Variants in ZNRF2 observed in about 807,000 individuals in gnomAD.
ZNRF2 encodes the protein zinc and ring finger 2.
A neutral mutation model predicts 20.4 loss-of-function variants in ZNRF2; 16 were observed. The ratio of observed to expected loss-of-function variants is 0.79; its 90% confidence interval spans 0.53 to 1.19. ZNRF2 has a LOEUF of 1.19. Among genes scored for constraint, ZNRF2 ranks in the 50% most tolerant of loss-of-function variants. The pLI, the probability that ZNRF2 is intolerant of heterozygous loss-of-function variation, is 0.00. For missense variants in ZNRF2, 363 were observed against 332.4 expected, an observed-to-expected ratio of 1.09 and a Z score of -0.72; for synonymous variants, 178 against 144.9, an observed-to-expected ratio of 1.23 and a Z score of -1.64.
intron 4 of ZNRF2, among the ~76,000 whole-genome samples, chr7:30,364,572 A>G (rs1800180440): frequency 6.6e-6 from 1 of 152,176 alleles, no homozygotes; most frequent in Admixed American, 6.5e-5. Flanking sequence ...ATATGTGCAC[A>G]TATGTTTTTA....
chr7:30,356,266 A>G (rs1363192689), intron 3 of ZNRF2, among the ~76,000 whole-genome samples: 1 of 147,296 alleles, frequency 6.8e-6, no homozygotes, highest in Non-Finnish European at 1.5e-5. Flanking sequence ...TTAGAGTGAT[A>G]CAGGAAAAAT....
rs1239768249 is a variant in ZNRF2, at chr7:30,285,367, A to C, written c.10A>C (p.Lys4Gln). 3 of 1,209,722 alleles carry C rather than the reference A, an allele frequency of 2.5e-6. No homozygotes were observed. Among genetic ancestry groups the C allele is most frequent in the Non-Finnish European group, 3.1e-6 (3 of 959,492 alleles). The allele number at this position is 1,209,722 out of a possible 1,614,324, so 74.9% of individuals were successfully genotyped here. A position where few individuals can be genotyped will look rare whatever the true frequency, so the allele number is the denominator to read the frequency against. ...CCGGGGCAGGGCGGACATGGGCGCCAAACAGAGCGGCCCGGCCGCCGCTAA... is the reference window on the plus strand; with the variant it reads ...CCGGGGCAGGGCGGACATGGGCGCCCAACAGAGCGGCCCGGCCGCCGCTAA... MGA[K>Q]QSGPAAANGR... The change falls in exon 1 of 5, where the codon AAA becomes CAA. Residue 4 changes from lysine to glutamine, a missense_variant. Around this residue, in one of 2 missense-constraint regions of ZNRF2, gnomAD observed 302 missense variants for 231.5 expected, o/e 1.30. Transcript: ENST00000323037.
At chr7:30,316,288 C>CAAAAAAAAAAAAAAAAAAAAAAAA (rs60218988) in intron 1 of ZNRF2, among the ~76,000 whole-genome samples, 2 of 27,500 alleles carry the variant, frequency 7.3e-5, no homozygotes, top group African/African-American at 9.1e-5. Flanking sequence ...AACTCCATCT[C>CAAAAAAAAAAAAAAAAAAAAAAAA]AAAAAAAAAA....
At chr7:30,312,152 CT>C (rs1799301057) in intron 1 of ZNRF2, among the ~76,000 whole-genome samples, 1 of 152,024 alleles carries the variant, frequency 6.6e-6, no homozygotes, top group South Asian at 2.1e-4. Flanking sequence ...AATTTAAAAA[CT>C]TTTTTTCCGT....
chr7:30,364,128 C>A (rs984012943), intron 4 of ZNRF2, among the ~76,000 whole-genome samples: 2 of 151,972 alleles, frequency 1.3e-5, no homozygotes, highest in African/African-American at 4.8e-5. Flanking sequence ...TAATAAACAC[C>A]CTCAAGGAAT....
chr7:30,343,975 A>G (rs1212006082), intron 2 of ZNRF2, among the ~76,000 whole-genome samples: 4 of 136,662 alleles, frequency 2.9e-5, no homozygotes, highest in African/African-American at 1.1e-4. Flanking sequence ...GCTGGAGTGC[A>G]GTGGCGCGAT....
At chr7:30,355,882 C>A in intron 3 of ZNRF2, 49 bp downstream of exon 3, 2 of 1,436,122 alleles carry the variant, frequency 1.4e-6, no homozygotes, top group South Asian at 1.2e-5. Flanking sequence ...CTCACAGTTT[C>A]AGACATTGTA....
chr7:30,330,424 A>T (rs976964706), intron 2 of ZNRF2, among the ~76,000 whole-genome samples: 1 of 152,188 alleles, frequency 6.6e-6, no homozygotes, highest in Non-Finnish European at 1.5e-5. Context: ...TGATGAAAAA[A>T]GCTGCCAATT....
chr7:30,351,346 G>A (rs1266182192), intron 2 of ZNRF2, among the ~76,000 whole-genome samples: 1 of 151,892 alleles, frequency 6.6e-6, no homozygotes, highest in African/African-American at 2.4e-5. Flanking sequence ...GGCCATATGT[G>A]GCTAGTGGTT....
chr7:30,346,405 G>T (rs1218664176), intron 2 of ZNRF2, among the ~76,000 whole-genome samples: 1 of 151,690 alleles, frequency 6.6e-6, no homozygotes, highest in Non-Finnish European at 1.5e-5. Flanking sequence ...TGTTGGCCAG[G>T]CTGTTTTCCA....
chr7:30,340,440 A>G (rs1401830019), intron 2 of ZNRF2, among the ~76,000 whole-genome samples: 1 of 152,184 alleles, frequency 6.6e-6, no homozygotes, highest in Non-Finnish European at 1.5e-5. Flanking sequence ...GTTTATTGAG[A>G]GTTTTTAGCA....
intron 1 of ZNRF2, among the ~76,000 whole-genome samples, chr7:30,294,972 T>G (rs1000742091): frequency 1.5e-5 from 2 of 132,966 alleles, no homozygotes; most frequent in African/African-American, 5.8e-5. Context: ...GAGCTGAAAT[T>G]TAGAGAGAGA....
chr7:30,349,604 C>T (rs966080487), intron 2 of ZNRF2, among the ~76,000 whole-genome samples: 4 of 151,650 alleles, frequency 2.6e-5, no homozygotes, highest in Admixed American at 6.6e-5. Flanking sequence ...AAAATTGCTA[C>T]GTATTACCCA....
chr7:30,326,382 G>A (rs1341853275), intron 2 of ZNRF2, among the ~76,000 whole-genome samples: 3 of 152,148 alleles, frequency 2.0e-5, no homozygotes, highest in South Asian at 2.1e-4. Context: ...GTGAGAACGT[G>A]CGGAATTTGC....
intron 1 of ZNRF2, among the ~76,000 whole-genome samples, chr7:30,317,748 T>G (rs1416727461): frequency 6.6e-6 from 1 of 152,214 alleles, no homozygotes; most frequent in African/African-American, 2.4e-5. Flanking sequence ...TTGATGTCTT[T>G]CCACTTAGAC....
chr7:30,328,212 A>G (rs897943474), intron 2 of ZNRF2, among the ~76,000 whole-genome samples: 10 of 152,218 alleles, frequency 6.6e-5, no homozygotes. Flanking sequence ...CTCATAAGCA[A>G]ACCATCTAGG....
chr7:30,327,947 C>A (rs1053733964), intron 2 of ZNRF2, among the ~76,000 whole-genome samples: 5 of 152,100 alleles, frequency 3.3e-5, no homozygotes, highest in Non-Finnish European at 7.4e-5. Flanking sequence ...GCAAATACAG[C>A]TTCTTAATAA....
rs780042181 is a variant in ZNRF2, at chr7:30,362,350, A to T, written c.672-27A>T. Reference sequence around the variant, plus strand: ...TATAAATAATTAGTATAAGTATCTCAATTTTTCTGGTTTTGTTCCTTTCTA... The same window carrying T: ...TATAAATAATTAGTATAAGTATCTCTATTTTTCTGGTTTTGTTCCTTTCTA... On this transcript the variant is annotated intron_variant, in intron 3 of 4. Transcript: ENST00000323037. The T allele has an allele frequency of 9.1e-6, 14 of 1,530,906 alleles. No homozygotes were observed. In the East Asian group the frequency reaches 3.2e-4, roughly 35 times the overall value. The allele number at this position is 1,530,906 out of a possible 1,614,324, so 94.8% of individuals were successfully genotyped here. A position where few individuals can be genotyped will look rare whatever the true frequency, so the allele number is the denominator to read the frequency against.
intron 2 of ZNRF2, among the ~76,000 whole-genome samples, chr7:30,325,353 G>A (rs1461617746): frequency 2.0e-5 from 3 of 152,070 alleles, no homozygotes; most frequent in Admixed American, 1.3e-4. Context: ...TATATTTTGA[G>A]CATCAATTAT....
Sources: allele counts gnomAD v4.1 joint callset (sites outside exome capture counted in the v4.1 genomes callset), GRCh38; gene constraint gnomAD v4.1.1; regional missense constraint gnomAD v4.1.1; transcripts MANE v1.5; gene names NCBI Gene and HGNC (gene_info 2026-07-23, HGNC 2026-07-21).